COL12A1: variants seen among roughly 807,000 people sequenced by gnomAD.
COL12A1 encodes collagen alpha-1(XII) chain.
In COL12A1, 114 loss-of-function variants were observed where a neutral mutation model predicts 349.7. The ratio of observed to expected loss-of-function variants is 0.33; its 90% CI spans 0.28 to 0.38. The LOEUF (loss-of-function observed/expected upper bound fraction) is 0.38, where lower values mean the gene tolerates loss of function less well. Ranked by LOEUF, COL12A1 falls within the 10% of genes least tolerant of loss-of-function variation. COL12A1 has a pLI of 1.00. For missense variants in COL12A1, 3,284 were observed against 3,756.9 expected, an observed-to-expected ratio of 0.87 and a Z score of 3.29; for synonymous variants, 1,369 against 1,329.0, an observed-to-expected ratio of 1.03 and a Z score of -0.66.
At chr6:75,131,091 T>C in intron 35 of COL12A1, 110 bp from the exon 36 acceptor site, 2 of 1,402,438 alleles carry the variant, frequency 1.4e-6, no homozygotes, top group Non-Finnish European at 2.0e-6. Flanking sequence ...CCCAGACACA[T>C]CAGAAGCCAA....
In COL12A1 at chr6:75,146,088, C is replaced by T. The variant is rs765603514; in HGVS notation, c.4560+14G>A. On this transcript the variant is annotated intron_variant, in intron 24 of 65. Transcript: ENST00000322507. ...TTGGGAAGACCCAATGTTAAAGAAA[C>T]AAACATCTTTCACCTCTTTGGGTCT... 33 of 1,577,190 alleles carry T rather than the reference C, an allele frequency of 2.1e-5. No individual in the cohort carries two copies. Among genetic ancestry groups the T allele is most frequent in the Non-Finnish European group, 2.7e-5 (32 of 1,164,330 alleles).
intron 11 of COL12A1, among the ~76,000 whole-genome samples, chr6:75,178,185 T>C (rs938624709): frequency 1.3e-5 from 2 of 152,190 alleles, no homozygotes; most frequent in Non-Finnish European, 2.9e-5. Flanking sequence ...TACATAAAGA[T>C]GTATATAATA....
At chr6:75,199,264 A>G (rs1315411893) in intron 2 of COL12A1, among the ~76,000 whole-genome samples, 5 of 152,188 alleles carry the variant, frequency 3.3e-5, no homozygotes, top group Non-Finnish European at 7.4e-5. Flanking sequence ...CAAGTGATTC[A>G]GCCTCTCTGG....
At chr6:75,131,898 A>G in intron 35 of COL12A1, 42 bp downstream of exon 35, 2 of 1,607,506 alleles carry the variant, frequency 1.2e-6, no homozygotes, top group Non-Finnish European at 1.7e-6. Context: ...ACATGTGACT[A>G]CATTCACCAG....
Position 75,115,870 on chromosome 6 carries a change from T to C in COL12A1, c.7611A>G (p.Val2537=). The change falls in exon 49 of 66, where the codon GTA becomes GTG. Residue 2537 remains valine (V), a synonymous_variant. Coordinates refer to ENST00000322507, the MANE Select transcript of COL12A1 (RefSeq NM_004370.6). ...YNLTEKNFAS[V]QGVSLESGSF... ...ACCCTGACTCCAAAGATACTCCTTG[T>C]ACAGAAGCAAAATTCTTTTCTGTCA... 21 of 1,613,658 alleles carry C rather than the reference T, an allele frequency of 1.3e-5. No individual in the cohort carries two copies. Among genetic ancestry groups the C allele is most frequent in the Non-Finnish European group, 1.6e-5 (19 of 1,179,696 alleles).
intron 2 of COL12A1, among the ~76,000 whole-genome samples, chr6:75,195,380 T>C (rs532961687): frequency 6.6e-6 from 1 of 152,264 alleles, no homozygotes; most frequent in East Asian, 1.9e-4. Context: ...GAGAAGTTAA[T>C]TCAAAACATT....
At chr6:75,122,514 C>T (rs1049261763) in intron 43 of COL12A1, among the ~76,000 whole-genome samples, 1 of 151,968 alleles carries the variant, frequency 6.6e-6, no homozygotes, top group African/African-American at 2.4e-5. Context: ...AAAATAAAGC[C>T]TATTTAAAAA....
At position 75,151,931 on chromosome 6, in the gene COL12A1, T is replaced by C. The variant is rs1767512894; in HGVS notation, c.3936A>G (p.Ser1312=). 1.2e-6 allele frequency: 2 copies of C among 1,613,930 alleles called. No homozygotes were observed. The highest frequency in any genetic ancestry group is 1.7e-6 in the Non-Finnish European group (2 of 1,179,842). The change falls in exon 20 of 66, where the codon TCA becomes TCG. Residue 1312 remains serine, a synonymous_variant. Transcript: ENST00000322507. ...KIGVLITDGK[S]QDDVEAPSKK... is the part of the protein sequence containing the mutation. Reference sequence around the variant, plus strand: ...TTGAAGGTGCTTCAACATCGTCTTGTGATTTTCCATCAGTAATGAGCACAC... The same window carrying C: ...TTGAAGGTGCTTCAACATCGTCTTGCGATTTTCCATCAGTAATGAGCACAC...
intron 17 of COL12A1, among the ~76,000 whole-genome samples, chr6:75,152,868 T>C (rs903642950): frequency 2.0e-5 from 3 of 152,090 alleles, no homozygotes; most frequent in Non-Finnish European, 2.9e-5. Context: ...ACTAATAACT[T>C]TAATAAAATT....
chr6:75,137,409 C>T, intron 31 of COL12A1, 28 bp downstream of exon 31: 1 of 1,534,532 alleles, frequency 6.5e-7, no homozygotes, highest in Non-Finnish European at 8.8e-7. Flanking sequence ...AGAATTAATC[C>T]AAGTTATAAT....
rs764776881 is a variant in COL12A1, at chr6:75,175,222, T to C, written c.2526A>G (p.Lys842=). The change falls in exon 13 of 66, where the codon AAA becomes AAG. Residue 842 remains lysine (K), a synonymous_variant. Transcript: ENST00000322507. The part of the protein sequence containing the change: ...LSWSGAPGKV[K]QYLVTYTPVA... ...CTGGGGTATATGTGACGAGATACTG[T>C]TTCACTTTTCCTGGTGCCCCACTCC... The C allele has an allele frequency of 6.2e-7, 1 of 1,614,206 alleles. No individual in the cohort carries two copies. The highest frequency in any genetic ancestry group is 8.5e-7 in the Non-Finnish European group (1 of 1,180,034).
chr6:75,147,843 A>G, intron 22 of COL12A1, 39 bp from the exon 23 acceptor site: 1 of 1,598,166 alleles, frequency 6.3e-7, no homozygotes, highest in South Asian at 1.1e-5. Context: ...ACGTATGTAT[A>G]ATCAGTTCCC....
Position 75,156,476 on chromosome 6 carries a change from T to C in COL12A1, c.3031A>G (p.Thr1011Ala), listed in dbSNP as rs1767774122. The C allele has an allele frequency of 1.9e-6, 3 of 1,613,844 alleles. No individual in the cohort carries two copies. The highest frequency in any genetic ancestry group is 2.5e-6 in the Non-Finnish European group (3 of 1,179,862). Residue 1011 changes from threonine to alanine, a missense_variant, in exon 15 of 66, where the codon ACA (threonine) becomes GCA (alanine). Around this residue, in one of 2 missense-constraint regions of COL12A1, gnomAD observed 2,601 missense variants for 2,824.8 expected, o/e 0.92. Transcript: ENST00000322507. ...TLKVDEETEN[T>A]MRVTWKPAPG... ...GCTGGTTTCCATGTAACTCTCATTG[T>C]GTTTTCTGTTTCTTCATCTACTTTC...
chr6:75,125,115 T>C lies in COL12A1; in HGVS notation c.6607+12A>G. 2 of 1,571,940 alleles carry C rather than the reference T, an allele frequency of 1.3e-6. No individual in the cohort carries two copies. Among genetic ancestry groups the C allele is most frequent in the Non-Finnish European group, 1.7e-6 (2 of 1,160,146 alleles). On this transcript the variant is annotated intron_variant, in intron 40 of 65. Transcript: ENST00000322507. ...AGTTTTTCTCACAACCATGAAAATA[T>C]CCATGACTCACATGTAGTGCCTTGA...
chr6:75,088,353 A>G (rs1767600895), intron 64 of COL12A1, among the ~76,000 whole-genome samples: 2 of 152,116 alleles, frequency 1.3e-5, no homozygotes, highest in South Asian at 2.1e-4. Flanking sequence ...ATTTACCAAT[A>G]TCTCAGGCCC....
intron 59 of COL12A1, among the ~76,000 whole-genome samples, chr6:75,096,101 C>T (rs1256523468): frequency 6.6e-6 from 1 of 152,130 alleles, no homozygotes; most frequent in Non-Finnish European, 1.5e-5. Context: ...GTTGCTTTTA[C>T]CACAGCTTCC....
intron 2 of COL12A1, among the ~76,000 whole-genome samples, chr6:75,197,122 A>G (rs182185691): frequency 3.9e-5 from 6 of 152,288 alleles, no homozygotes; most frequent in Non-Finnish European, 5.9e-5. Context: ...TGTTTGTTTC[A>G]TGAAAAAATA....
chr6:75,145,439 G>T lies in COL12A1; in HGVS notation c.4577C>A (p.Thr1526Lys). 1 of 1,613,788 alleles carries T rather than the reference G, an allele frequency of 6.2e-7. No homozygotes were observed. The highest frequency in any genetic ancestry group is 1.7e-4 in the Middle Eastern group (1 of 6,060). Residue 1526 changes from threonine to lysine, a missense_variant, in exon 25 of 66, where the codon ACA (threonine) becomes AAA (lysine). By Grantham distance (78) the Thr-to-Lys change is moderately conservative (BLOSUM62 -1). Coordinates refer to ENST00000322507, the MANE Select transcript of COL12A1 (RefSeq NM_004370.6). ...GTCAGTCAGCTGCATGTCATTCACTGTTGGCCCCAAACGCACCTGCACATG... is the reference window on the plus strand; with the variant it reads ...GTCAGTCAGCTGCATGTCATTCACTTTTGGCCCCAAACGCACCTGCACATG... ...TRPKEVRLGP[T>K]VNDMQLTDLV... is the part of the protein sequence containing the mutation.
In COL12A1 at chr6:75,084,920, T is replaced by C. The variant is rs1189426177; in HGVS notation, c.*1627A>G. The stretch of plus-strand genomic sequence containing the variant: ...CACTGAGGCTGCCCGCTGTGCTAAC[T>C]AAAGGCACACGGCATGTTCTCTCTT... On this transcript the variant is annotated 3_prime_UTR_variant, in exon 66 of 66. Transcript: ENST00000322507. 2 of 240,400 alleles carry C rather than the reference T, an allele frequency of 8.3e-6. No homozygotes were observed. The highest frequency in any genetic ancestry group is 9.1e-5 in the East Asian group (1 of 11,008). The allele number at this position is 240,400 out of a possible 1,614,324, so 14.9% of individuals were successfully genotyped here. A position where few individuals can be genotyped will look rare whatever the true frequency, so the allele number is the denominator to read the frequency against.
Sources: gnomAD v4.1 joint callset for allele counts (sites outside exome capture counted in the v4.1 genomes callset) on GRCh38, gnomAD v4.1.1 for gene constraint, gnomAD v4.1.1 regional missense constraint, MANE v1.5 for transcripts, NCBI Gene and HGNC (gene_info 2026-07-23, HGNC 2026-07-21) for gene names.